Variants in TTC29 observed in about 807,000 individuals in gnomAD.
The protein encoded by TTC29 is tetratricopeptide repeat protein 29.
TTC29 carries 49 observed loss-of-function variants against 58.1 expected under a neutral mutation model. That is an observed-to-expected ratio of 0.84 (90% CI 0.67 to 1.07). The LOEUF (loss-of-function observed/expected upper bound fraction) is 1.07, where lower values mean the gene tolerates loss of function less well. Among genes scored for constraint, TTC29 ranks in the 50% least tolerant of loss-of-function variants. The probability of loss-of-function intolerance (pLI) is 0.00; values close to 1 mark genes in which losing one functional copy is unlikely to be tolerated. For missense variants in TTC29, 582 were observed against 555.6 expected, an observed-to-expected ratio of 1.05 and a Z score of -0.48; for synonymous variants, 209 against 196.8, an observed-to-expected ratio of 1.06 and a Z score of -0.52.
chr4:146,939,621 T>C (rs532296754), intron 3 of TTC29, among the ~76,000 whole-genome samples, 183 bp downstream of exon 3: 12 of 152,324 alleles, frequency 7.9e-5, no homozygotes, highest in Non-Finnish European at 1.3e-4. Context: ...TAAATAAATA[T>C]ATTTGCAGTA....
chr4:146,939,597 A>G (rs1736171965), intron 3 of TTC29, among the ~76,000 whole-genome samples: 1 of 152,224 alleles, frequency 6.6e-6, no homozygotes, highest in South Asian at 2.1e-4. Context: ...TGAAATAAGC[A>G]CTAGGTTAAT....
chr4:146,828,349 A>G (rs567241677), intron 9 of TTC29, among the ~76,000 whole-genome samples: 1 of 152,086 alleles, frequency 6.6e-6, no homozygotes, highest in Admixed American at 6.5e-5. Flanking sequence ...GAACTTATGG[A>G]TTTCTAGGGC....
At chr4:146,728,743 T>A (rs1322135900) in intron 11 of TTC29, among the ~76,000 whole-genome samples, 4 of 113,948 alleles carry the variant, frequency 3.5e-5, no homozygotes, top group Non-Finnish European at 7.6e-5. Context: ...TGTGTATAAC[T>A]GTCCAGAGGA....
intron 8 of TTC29, among the ~76,000 whole-genome samples, chr4:146,842,399 A>G (rs2150170765): frequency 6.6e-6 from 1 of 152,164 alleles, no homozygotes; most frequent in East Asian, 1.9e-4. Flanking sequence ...TCCTCCCAAT[A>G]GTGAAAGGTG....
chr4:146,862,730 A>G (rs1730316109), intron 8 of TTC29, among the ~76,000 whole-genome samples: 1 of 152,154 alleles, frequency 6.6e-6, no homozygotes, highest in African/African-American at 2.4e-5. Flanking sequence ...CCCAACTGCA[A>G]AGGCTACTGG....
In TTC29 at chr4:146,785,572, A is replaced by T. The variant is rs185700371; in HGVS notation, c.1330+17885T>A. ...TTTAAAGACTTATCTCCTTAATGAC[A>T]CCTATTTGAAGACAGTTATTGGGTC... On this transcript the variant is annotated intron_variant, in intron 11 of 12. Transcript: ENST00000325106. Among the ~76,000 whole-genome samples, 226 of 152,294 alleles carry T rather than the reference A, an allele frequency of 1.5e-3. 4 individuals are homozygous for T. Among genetic ancestry groups the T allele is most frequent in the Admixed American group, 0.015 (224 of 15,290 alleles).
intron 11 of TTC29, among the ~76,000 whole-genome samples, chr4:146,710,447 T>C (rs1742402832): frequency 6.6e-6 from 1 of 152,162 alleles, no homozygotes; most frequent in Non-Finnish European, 1.5e-5. Context: ...GTGTATGGCA[T>C]ATATTGTTGA....
At chr4:146,745,582 A>G (rs1052592205) in intron 11 of TTC29, among the ~76,000 whole-genome samples, 2 of 152,218 alleles carry the variant, frequency 1.3e-5, no homozygotes, top group Non-Finnish European at 2.9e-5. Context: ...TTGTTTAGCT[A>G]TATAGCCAAG....
At chr4:146,897,833 A>G (rs1732874539) in intron 6 of TTC29, among the ~76,000 whole-genome samples, 1 of 152,214 alleles carries the variant, frequency 6.6e-6, no homozygotes, top group African/African-American at 2.4e-5. Context: ...GCCTTCCAGA[A>G]GCAAGTCAGG....
At chr4:146,734,410 C>A (rs763520950) in intron 11 of TTC29, among the ~76,000 whole-genome samples, 1 of 152,106 alleles carries the variant, frequency 6.6e-6, no homozygotes, top group Non-Finnish European at 1.5e-5. Flanking sequence ...TTGCAATGTC[C>A]TTATAATAAA....
At chr4:146,875,191 G>T (rs978321534) in intron 6 of TTC29, among the ~76,000 whole-genome samples, 2 of 152,076 alleles carry the variant, frequency 1.3e-5, no homozygotes, top group African/African-American at 4.8e-5. Flanking sequence ...GTTTAGAGAG[G>T]GTGTAAAAGG....
chr4:146,798,989 G>A (rs566461385), intron 11 of TTC29, among the ~76,000 whole-genome samples: 3 of 150,914 alleles, frequency 2.0e-5, no homozygotes, highest in Non-Finnish European at 2.9e-5. Flanking sequence ...GAATCTTGTC[G>A]ACATATATTT....
chr4:146,849,414 A>G (rs950229992), intron 8 of TTC29, among the ~76,000 whole-genome samples: 32 of 151,976 alleles, frequency 2.1e-4, no homozygotes, highest in African/African-American at 7.7e-4. Context: ...GATTGTGCTG[A>G]CCTTGACCTT....
chr4:146,711,718 C>A (rs1742505848), intron 11 of TTC29, among the ~76,000 whole-genome samples: 1 of 152,064 alleles, frequency 6.6e-6, no homozygotes. Flanking sequence ...GTCATAGATT[C>A]AATTTTAGTA....
At chr4:146,843,266 T>A (rs1029089114) in intron 8 of TTC29, among the ~76,000 whole-genome samples, 2 of 152,206 alleles carry the variant, frequency 1.3e-5, no homozygotes, top group Admixed American at 1.3e-4. Flanking sequence ...TCTACAAATA[T>A]GTTATCTTGA....
At chr4:146,731,755 C>T (rs1744351742) in intron 11 of TTC29, among the ~76,000 whole-genome samples, 1 of 152,082 alleles carries the variant, frequency 6.6e-6, no homozygotes, top group African/African-American at 2.4e-5. Context: ...AAAGATGTTA[C>T]TTTTGAAGGA....
intron 10 of TTC29, among the ~76,000 whole-genome samples, chr4:146,818,761 A>G (rs1412687066): frequency 1.3e-5 from 2 of 152,210 alleles, no homozygotes; most frequent in Non-Finnish European, 2.9e-5. Flanking sequence ...GCCATAAAAA[A>G]TGAAGAGTTC....
rs1000374931 is a variant in TTC29, at chr4:146,828,832, T to C, written c.977+4974A>G. On this transcript the variant is annotated intron_variant, in intron 9 of 12. Transcript: ENST00000325106. ...TAAGTCATTTGCTTTACTCAATGAA[T>C]GTATAGGTCTACAGCCAGCAAACTT... 2.0e-5 allele frequency among the ~76,000 whole-genome samples: 3 copies of C among 152,342 alleles called. No homozygotes were observed. The South Asian group carries it at 6.2e-4, about 32-fold the overall frequency.
At chr4:146,917,425 AT>A (rs578248000) in intron 4 of TTC29, among the ~76,000 whole-genome samples, 4 of 148,476 alleles carry the variant, frequency 2.7e-5, no homozygotes, top group East Asian at 4.1e-4. Flanking sequence ...AATGATCTTG[AT>A]TTTTTTGCAG....
Sources: gnomAD v4.1 joint callset for allele counts (sites outside exome capture counted in the v4.1 genomes callset) on GRCh38, gnomAD v4.1.1 for gene constraint, MANE v1.5 for transcripts, NCBI Gene and HGNC (gene_info 2026-07-23, HGNC 2026-07-21) for gene names.